IL1RAPL1: variants seen among roughly 807,000 people sequenced by gnomAD.
IL1RAPL1 encodes the protein interleukin 1 receptor accessory protein like 1, also known as interleukin-1 receptor accessory protein-like 1.
In IL1RAPL1, 3 loss-of-function variants were observed where a neutral mutation model predicts 48.4. That is an observed-to-expected ratio of 0.06 (90% CI 0.03 to 0.16). The LOEUF (loss-of-function observed/expected upper bound fraction) is 0.16. Ranked by LOEUF, IL1RAPL1 falls within the 10% of genes least tolerant of loss-of-function variation. IL1RAPL1 has a pLI of 1.00. For synonymous variants in IL1RAPL1, 185 were observed against 187.7 expected (o/e 0.99, Z 0.12); for missense variants, 349 against 530.6 (o/e 0.66, Z 3.36).
chrX:29,190,880 C>G (rs1930339567), intron 2 of IL1RAPL1, among the ~76,000 whole-genome samples: 1 of 111,797 alleles, frequency 8.9e-6, no homozygotes, highest in Admixed American at 9.5e-5. Context: ...GTATCCAACT[C>G]AATTATATAC....
intron 2 of IL1RAPL1, among the ~76,000 whole-genome samples, chrX:29,279,305 G>A (rs1427952344): frequency 3.6e-5 from 4 of 110,990 alleles, no homozygotes; most frequent in South Asian, 3.9e-4. Context: ...GCATGGTGGC[G>A]TGCGCCTGTA....
intron 5 of IL1RAPL1, among the ~76,000 whole-genome samples, chrX:29,559,321 A>C (rs1191842527): frequency 8.9e-6 from 1 of 111,756 alleles, no homozygotes; most frequent in Non-Finnish European, 1.9e-5. Flanking sequence ...TATCAGGGTA[A>C]GGCTGGCCTT....
intron 2 of IL1RAPL1, among the ~76,000 whole-genome samples, chrX:29,084,730 C>T (rs567143663): frequency 5.3e-5 from 6 of 112,645 alleles, no homozygotes; most frequent in African/African-American, 1.6e-4. Context: ...TCAGTCTTGT[C>T]GCCCAGGCTG....
intron 5 of IL1RAPL1, among the ~76,000 whole-genome samples, chrX:29,461,346 A>T (rs1003848439): frequency 8.9e-6 from 1 of 112,018 alleles, no homozygotes; most frequent in Non-Finnish European, 1.9e-5. Flanking sequence ...GTAAATTGAT[A>T]TAACCACTTT....
chrX:29,536,765 A>AAT (rs768007262), intron 5 of IL1RAPL1, among the ~76,000 whole-genome samples: 6,749 of 107,442 alleles, frequency 0.063, 590 homozygotes, highest in African/African-American at 0.21. Context: ...CTGATCTTTA[A>AAT]ATATATATAT....
intron 2 of IL1RAPL1, among the ~76,000 whole-genome samples, chrX:29,004,735 C>T (rs1293196001): frequency 8.9e-6 from 1 of 111,815 alleles, no homozygotes; most frequent in Admixed American, 9.5e-5. Context: ...GTGTCTCACA[C>T]CTGTAATCCC....
intron 6 of IL1RAPL1, among the ~76,000 whole-genome samples, chrX:29,711,779 A>G (rs1040541887): frequency 2.7e-5 from 3 of 111,570 alleles, no homozygotes; most frequent in Non-Finnish European, 5.6e-5. Context: ...GTTGTGTTTA[A>G]TGATGTCTGG....
intron 3 of IL1RAPL1, among the ~76,000 whole-genome samples, chrX:29,301,200 G>A (rs1196047236): frequency 9.0e-6 from 1 of 111,651 alleles, no homozygotes; most frequent in African/African-American, 3.3e-5. Flanking sequence ...TCCCTCTTTT[G>A]TTTGAATGTG....
intron 3 of IL1RAPL1, among the ~76,000 whole-genome samples, chrX:29,387,681 A>G (rs1933796748): frequency 8.9e-6 from 1 of 112,080 alleles, no homozygotes; most frequent in Admixed American, 9.5e-5. Context: ...TGTTTGCCGT[A>G]TATGCTATCA....
At chrX:29,321,322 G>A (rs770550540) in intron 3 of IL1RAPL1, among the ~76,000 whole-genome samples, 1 of 111,981 alleles carries the variant, frequency 8.9e-6, no homozygotes, top group South Asian at 3.7e-4. Flanking sequence ...GAGAGAAGCA[G>A]ATTGGTTACT....
chrX:28,685,654 T>G lies in IL1RAPL1; in HGVS notation c.-25+97607T>G, dbSNP rs1050554590. Among the ~76,000 whole-genome samples, 3 of 111,849 alleles carry G rather than the reference T, an allele frequency of 2.7e-5. No individual in the cohort carries two copies. The South Asian group carries it at 1.1e-3, about 42-fold the overall frequency. ...GTTTGTCATCTTTTAGTTAGCAGCATTTTGTTTTTTCTCTCTTACTGGTAC... is the reference window on the plus strand; with the variant it reads ...GTTTGTCATCTTTTAGTTAGCAGCAGTTTGTTTTTTCTCTCTTACTGGTAC... On this transcript the variant is annotated intron_variant, in intron 1 of 10. Transcript: ENST00000378993.
At chrX:28,762,961 G>C (rs1175739480) in intron 1 of IL1RAPL1, among the ~76,000 whole-genome samples, 1 of 110,915 alleles carries the variant, frequency 9.0e-6, no homozygotes, top group Non-Finnish European at 1.9e-5. Flanking sequence ...TTTTATGCCA[G>C]CTTTACATTT....
intron 6 of IL1RAPL1, among the ~76,000 whole-genome samples, chrX:29,871,080 C>T (rs1931789896): frequency 1.8e-5 from 2 of 112,101 alleles, no homozygotes; most frequent in Admixed American, 9.4e-5. Flanking sequence ...ATTTTAGAGG[C>T]TGCCCACATT....
At chrX:29,892,792 A>G (rs1485214034) in intron 6 of IL1RAPL1, among the ~76,000 whole-genome samples, 1 of 112,481 alleles carries the variant, frequency 8.9e-6, no homozygotes, top group Non-Finnish European at 1.9e-5. Flanking sequence ...AAAGCAGTGA[A>G]GAGCCTTCAC....
chrX:29,406,243 G>A (rs1206540856), intron 5 of IL1RAPL1, among the ~76,000 whole-genome samples: 6 of 110,537 alleles, frequency 5.4e-5, no homozygotes, highest in Non-Finnish European at 1.1e-4. Context: ...CAAAAAATTA[G>A]CCGGGCGTGG....
intron 2 of IL1RAPL1, among the ~76,000 whole-genome samples, chrX:29,233,937 C>T (rs1569265936): frequency 8.9e-6 from 1 of 112,111 alleles, no homozygotes; most frequent in East Asian, 2.8e-4. Context: ...GCCATGTGGC[C>T]ATGAATTTCA....
chrX:29,715,397 C>T (rs140354435), intron 6 of IL1RAPL1, among the ~76,000 whole-genome samples: 1 of 111,227 alleles, frequency 9.0e-6, no homozygotes, highest in African/African-American at 3.3e-5. Context: ...TGCTGTTGCT[C>T]TAGATAACAC....
Position 28,719,215 on chromosome X carries a change from A to T in IL1RAPL1, c.-24-70105A>T, listed in dbSNP as rs373758097. 1.3e-4 allele frequency among the ~76,000 whole-genome samples: 14 copies of T among 110,945 alleles called. No homozygotes were observed. In the East Asian group the frequency reaches 4.0e-3, roughly 32 times the overall value. On this transcript the variant is annotated intron_variant, in intron 1 of 10. Transcript: ENST00000378993. ...GGACCCTCATACCCAATTCTCTTTG[A>T]CTTTGTTTTGTCATTTGTCACATAA...
chrX:29,371,482 A>G (rs1364901074), intron 3 of IL1RAPL1, among the ~76,000 whole-genome samples: 1 of 111,392 alleles, frequency 9.0e-6, no homozygotes, highest in Non-Finnish European at 1.9e-5. Context: ...GTACGTGTGC[A>G]TATTTATTAC....
Sources: gnomAD v4.1 joint callset for allele counts (sites outside exome capture counted in the v4.1 genomes callset) on GRCh38, gnomAD v4.1.1 for gene constraint, MANE v1.5 for transcripts, NCBI Gene and HGNC (gene_info 2026-07-23, HGNC 2026-07-21) for gene names.